CMYA5: variants seen among roughly 807,000 people sequenced by gnomAD.
CMYA5 encodes the protein cardiomyopathy-associated protein 5.
CMYA5 carries 246 observed loss-of-function variants against 318.9 expected under a neutral mutation model. The ratio of observed to expected loss-of-function variants is 0.77; its 90% confidence interval spans 0.70 to 0.86. CMYA5 has a LOEUF of 0.86. CMYA5 is among the 40% of genes least tolerant of loss of function. The pLI is 0.00. For synonymous variants in CMYA5, 1,641 were observed against 1,729.5 expected (o/e 0.95, Z 1.27); for missense variants, 4,589 against 4,678.2 (o/e 0.98, Z 0.56).
At chr5:79,700,869 TAGAG>T (rs1226149413) in intron 1 of CMYA5, among the ~76,000 whole-genome samples, 12 of 151,964 alleles carry the variant, frequency 7.9e-5, no homozygotes, top group Admixed American at 1.3e-4. Flanking sequence ...CTCATGAAGA[TAGAG>T]AGTAGATTGG....
At position 79,733,959 on chromosome 5, in the gene CMYA5, G is replaced by C; in HGVS notation, c.5194G>C (p.Val1732Leu). The C allele has an allele frequency of 6.2e-7, 1 of 1,613,530 alleles. No individual in the cohort carries two copies. Among genetic ancestry groups the C allele is most frequent in the Non-Finnish European group, 8.5e-7 (1 of 1,179,804 alleles). ...SLESKEPPAS[V>L]AEGGNPEEFQ... ...AGAGTCGAAAGAACCACCTGCCTCT[G>C]TAGCTGAAGGAGGCAACCCAGAAGA... The change falls in exon 2 of 13, where the codon GTA becomes CTA. Residue 1732 changes from valine (V) to leucine (L), a missense_variant. Val to Leu is a conservative substitution (Grantham distance 32, BLOSUM62 1). Coordinates refer to ENST00000446378, the MANE Select transcript of CMYA5 (RefSeq NM_153610.5).
intron 12 of CMYA5, among the ~76,000 whole-genome samples, chr5:79,796,520 C>T (rs188458706): frequency 2.9e-4 from 44 of 152,214 alleles, no homozygotes; most frequent in Non-Finnish European, 4.6e-4. Context: ...CCACATCAAC[C>T]CCTCTAAGTA....
chr5:79,727,499 T>C (rs1038486411), intron 1 of CMYA5, among the ~76,000 whole-genome samples: 1 of 152,212 alleles, frequency 6.6e-6, no homozygotes. Flanking sequence ...AACACTTATG[T>C]TTCGTGTTTT....
At chr5:79,698,346 A>C (rs146459185) in intron 1 of CMYA5, among the ~76,000 whole-genome samples, 1 of 152,218 alleles carries the variant, frequency 6.6e-6, no homozygotes, top group African/African-American at 2.4e-5. Context: ...TAGAACTGAG[A>C]AGACCAAGAT....
intron 12 of CMYA5, 79 bp downstream of exon 12, chr5:79,793,689 T>A (rs759464297): frequency 3.1e-5 from 40 of 1,301,088 alleles, no homozygotes; most frequent in Non-Finnish European, 4.0e-5. Context: ...AGGGACCTGA[T>A]AAATAGCACC....
At chr5:79,797,937 C>T (rs562489116) in intron 12 of CMYA5, among the ~76,000 whole-genome samples, 3 of 152,202 alleles carry the variant, frequency 2.0e-5, no homozygotes, top group South Asian at 4.2e-4. Flanking sequence ...GAGTGTGAGC[C>T]CTGTGCTCCC....
At chr5:79,765,953 C>G (rs187221100) in intron 9 of CMYA5, among the ~76,000 whole-genome samples, 123 of 152,292 alleles carry the variant, frequency 8.1e-4, no homozygotes, top group African/African-American at 2.8e-3. Context: ...AATTTAACTT[C>G]CTCTCTTCCT....
rs1265717901 is a variant in CMYA5, at chr5:79,733,117, TCTC to T, written c.4356_4358del (p.Ser1453del). The T allele has an allele frequency of 1.2e-6, 2 of 1,613,634 alleles. No homozygotes were observed. Among genetic ancestry groups the T allele is most frequent in the Non-Finnish European group, 1.7e-6 (2 of 1,179,822 alleles). On this transcript the variant is annotated inframe_deletion, in exon 2 of 13. Coordinates refer to ENST00000446378, the MANE Select transcript of CMYA5 (RefSeq NM_153610.5). The stretch of plus-strand genomic sequence containing the variant: ...ATTAAATTTGATTCACTTCCAAGTG[TCTC>T]CTCTATAGCAGAGCATTCTGTTTTG...
intron 5 of CMYA5, among the ~76,000 whole-genome samples, chr5:79,747,988 AT>A (rs1828359584): frequency 6.6e-6 from 1 of 152,210 alleles, no homozygotes; most frequent in Non-Finnish European, 1.5e-5. Flanking sequence ...TAGAAATATG[AT>A]TTTTTTAGGT....
At chr5:79,708,849 G>A (rs555217741) in intron 1 of CMYA5, among the ~76,000 whole-genome samples, 30 of 152,192 alleles carry the variant, frequency 2.0e-4, no homozygotes, top group African/African-American at 7.0e-4. Context: ...CACAAGAATC[G>A]GTTGAACCTG....
chr5:79,785,066 C>T (rs571160535), intron 9 of CMYA5, among the ~76,000 whole-genome samples: 55 of 151,096 alleles, frequency 3.6e-4, no homozygotes, highest in Non-Finnish European at 6.9e-4. Context: ...ATCAGGAAAA[C>T]CCATCATTTT....
At chr5:79,796,482 C>T (rs1671097629) in intron 12 of CMYA5, among the ~76,000 whole-genome samples, 1 of 152,152 alleles carries the variant, frequency 6.6e-6, no homozygotes, top group African/African-American at 2.4e-5. Flanking sequence ...TCCATGCATC[C>T]TTGATCTCCT....
Position 79,734,806 on chromosome 5 carries a change from T to C in CMYA5, c.6041T>C (p.Met2014Thr). The C allele has an allele frequency of 1.2e-6, 2 of 1,613,782 alleles. No homozygotes were observed. The highest frequency in any genetic ancestry group is 1.7e-6 in the Non-Finnish European group (2 of 1,179,810). Residue 2014 changes from methionine to threonine, a missense_variant, in exon 2 of 13, where the codon ATG becomes ACG. By Grantham distance (81) the Met-to-Thr change is moderately conservative (BLOSUM62 -1). Transcript: ENST00000446378. Reference sequence around the variant, plus strand: ...GAGGGGAAGGAGATTCATTCTTTGATGGAGAGTGAAAGTTTGCTATTGGAG... The same window carrying C: ...GAGGGGAAGGAGATTCATTCTTTGACGGAGAGTGAAAGTTTGCTATTGGAG... ...IAEGKEIHSL[M>T]ESESLLLEKA...
chr5:79,735,451 T>C lies in CMYA5; in HGVS notation c.6686T>C (p.Val2229Ala), dbSNP rs759793703. ...PEGTIPTNFNVAEKPADHSLS... is the reference protein window; with the variant it reads ...PEGTIPTNFNAAEKPADHSLS... Reference sequence around the variant, plus strand: ...GGTACAATTCCCACCAATTTTAATGTAGCTGAGAAACCAGCTGATCATTCA... The same window carrying C: ...GGTACAATTCCCACCAATTTTAATGCAGCTGAGAAACCAGCTGATCATTCA... Residue 2229 changes from valine to alanine, a missense_variant, in exon 2 of 13, where the codon GTA becomes GCA. By Grantham distance (64) the Val-to-Ala change is moderately conservative. This residue lies in a region of CMYA5 where 2,431 missense variants were observed against 2,495.1 expected (regional missense o/e 0.97). Transcript: ENST00000446378. 8.1e-6 allele frequency: 13 copies of C among 1,613,882 alleles called. No individual in the cohort carries two copies. The highest frequency in any genetic ancestry group is 1.1e-5 in the Non-Finnish European group (13 of 1,179,788).
chr5:79,794,820 C>T (rs903197447), intron 12 of CMYA5, among the ~76,000 whole-genome samples: 2 of 152,170 alleles, frequency 1.3e-5, no homozygotes, highest in African/African-American at 4.8e-5. Flanking sequence ...GTTTGATTCT[C>T]TGAGATGGTT....
At position 79,705,747 on chromosome 5, in the gene CMYA5, CA is replaced by C. The variant is rs543415310; in HGVS notation, c.149+15693del. 3.7e-4 allele frequency among the ~76,000 whole-genome samples: 57 copies of C among 152,298 alleles called. No individual in the cohort carries two copies. In the South Asian group the frequency reaches 0.01, roughly 28 times the overall value. On this transcript the variant is annotated intron_variant, in intron 1 of 12. Coordinates refer to ENST00000446378, the MANE Select transcript of CMYA5 (RefSeq NM_153610.5). ...CCAATCAGCGTCTAGGACTTTCTTT[CA>C]ATCTCTCCTGGAGTTCTCTTGGAGA...
At chr5:79,711,717 A>G (rs1827394316) in intron 1 of CMYA5, among the ~76,000 whole-genome samples, 1 of 152,246 alleles carries the variant, frequency 6.6e-6, no homozygotes, top group Non-Finnish European at 1.5e-5. Context: ...TGAAGAAAAC[A>G]CAAAGTTAAT....
At chr5:79,704,395 A>G (rs1329621668) in intron 1 of CMYA5, among the ~76,000 whole-genome samples, 2 of 151,924 alleles carry the variant, frequency 1.3e-5, no homozygotes, top group East Asian at 3.9e-4. Flanking sequence ...GAGCGACCAG[A>G]ATCCTGTGAG....
chr5:79,733,915 C>G lies in CMYA5; in HGVS notation c.5150C>G (p.Ser1717Cys). 1 of 1,613,136 alleles carries G rather than the reference C, an allele frequency of 6.2e-7. No individual in the cohort carries two copies. Among genetic ancestry groups the G allele is most frequent in the East Asian group, 2.2e-5 (1 of 44,872 alleles). The part of the protein sequence containing the change: ...ESQNEEIKPF[S>C]PKIISLESKE... ...CAGAATGAAGAAATTAAACCTTTCT[C>G]TCCCAAGATCATCAGCCTAGAGTCG... The change falls in exon 2 of 13, where the codon TCT becomes TGT. Residue 1717 changes from serine to cysteine, a missense_variant. By Grantham distance (112) the Ser-to-Cys change is moderately radical. This residue lies in a region of CMYA5 where 2,132 missense variants were observed against 2,131.3 expected (regional missense o/e 1.00). Coordinates refer to ENST00000446378, the MANE Select transcript of CMYA5 (RefSeq NM_153610.5).
Sources: gnomAD v4.1 joint callset for allele counts (sites outside exome capture counted in the v4.1 genomes callset) on GRCh38, gnomAD v4.1.1 for gene constraint, gnomAD v4.1.1 regional missense constraint, MANE v1.5 for transcripts, NCBI Gene and HGNC (gene_info 2026-07-23, HGNC 2026-07-21) for gene names.